The following DNAH6 variants were observed in gnomAD, a reference collection of about 807,000 sequenced individuals.
DNAH6 encodes the protein dynein axonemal heavy chain 6.
In DNAH6, 340 loss-of-function variants were observed where a neutral mutation model predicts 491.4. The observed-to-expected ratio is 0.69, with a 90% CI of 0.63 to 0.76. The LOEUF is 0.76. Among genes scored for constraint, DNAH6 ranks in the 30% least tolerant of loss-of-function variants. The pLI, the probability that DNAH6 is intolerant of heterozygous loss-of-function variation, is 0.00. For synonymous variants in DNAH6, 1,603 were observed against 1,686.1 expected (o/e 0.95, Z 1.21); for missense variants, 4,443 against 4,972.2 (o/e 0.89, Z 3.20).
Position 84,598,154 on chromosome 2 carries a change from T to TCTTTCTTTCTTTCTTG in DNAH6, c.2868+2380_2868+2381insGCTTTCTTTCTTTCTT, listed in dbSNP as rs1553438064. ...TTCTTTCTTTCTTTCTTTCTTTCTT[T>TCTTTCTTTCTTTCTTG]CTTTCTTTCTTTCTTTCTTTCTTTC... On this transcript the variant is annotated intron_variant, in intron 18 of 76. Transcript: ENST00000389394. 4.8e-4 allele frequency among the ~76,000 whole-genome samples: 31 copies of TCTTTCTTTCTTTCTTG among 64,860 alleles called. No individual in the cohort carries two copies. The East Asian group carries it at 0.01, about 22-fold the overall frequency. 42.6% of individuals were successfully genotyped at this position (64,860 alleles called of 152,430 possible). A position where few individuals can be genotyped will look rare whatever the true frequency, so the allele number is the denominator to read the frequency against.
chr2:84,715,428 TG>T (rs1697429934), intron 57 of DNAH6, 131 bp from the exon 58 acceptor site: 2 of 712,292 alleles, frequency 2.8e-6, no homozygotes. Flanking sequence ...AAAGTATGTG[TG>T]GGGGTAGGTG....
intron 18 of DNAH6, among the ~76,000 whole-genome samples, chr2:84,599,470 G>T (rs981898675): frequency 6.6e-6 from 1 of 151,706 alleles, no homozygotes; most frequent in African/African-American, 2.4e-5. Flanking sequence ...TGTTTTCTAT[G>T]TTTAGGTATA....
At chr2:84,478,617 C>A in the DNAH6 span, among the ~76,000 whole-genome samples, 1 of 152,032 alleles carries the variant, frequency 6.6e-6, no homozygotes, top group South Asian at 2.1e-4. Flanking sequence ...CAGATTTGGC[C>A]CCCTGAAAAG....
chr2:84,595,768 G>T lies in DNAH6; in HGVS notation c.2847G>T (p.Lys949Asn). Residue 949 changes from lysine (K) to asparagine (N), a missense_variant, in exon 18 of 77, where the codon AAG becomes AAT. Physicochemically the swap from Lys to Asn is moderately conservative, Grantham distance 94 (BLOSUM62 0). Coordinates refer to ENST00000389394, the MANE Select transcript of DNAH6 (RefSeq NM_001370.2). ...GTGTAGTGCCCCAGCTCAAATACAAGGTGGAAAAAATGAAAGAAAAGGTAA... is the reference window on the plus strand; with the variant it reads ...GTGTAGTGCCCCAGCTCAAATACAATGTGGAAAAAATGAAAGAAAAGGTAA... ...PNSVVPQLKY[K>N]VEKMKEKLPV... 2 of 1,543,724 alleles carry T rather than the reference G, an allele frequency of 1.3e-6. No homozygotes were observed. The highest frequency in any genetic ancestry group is 1.7e-6 in the Non-Finnish European group (2 of 1,144,818).
At chr2:84,546,415 C>A (rs1338847473) in intron 5 of DNAH6, among the ~76,000 whole-genome samples, 1 of 152,058 alleles carries the variant, frequency 6.6e-6, no homozygotes, top group Non-Finnish European at 1.5e-5. Flanking sequence ...AAAGTCTATT[C>A]ATCTTTAATA....
intron 14 of DNAH6, among the ~76,000 whole-genome samples, chr2:84,581,769 T>G (rs1373166911): frequency 6.6e-6 from 1 of 152,130 alleles, no homozygotes; most frequent in Non-Finnish European, 1.5e-5. Flanking sequence ...TAGGAGAGAA[T>G]AAATTAATTA....
chr2:84,714,807 C>T (rs1364994028), intron 57 of DNAH6, among the ~76,000 whole-genome samples: 1 of 151,172 alleles, frequency 6.6e-6, no homozygotes. Context: ...AACCTCACGT[C>T]AATCATCTCT....
At chr2:84,709,314 T>C in intron 54 of DNAH6, 29 bp from the exon 55 acceptor site, 1 of 1,549,790 alleles carries the variant, frequency 6.5e-7, no homozygotes, top group Admixed American at 2.0e-5. Context: ...TTCCTGACTC[T>C]ACTCAAGTAA....
At chr2:84,531,666 A>AAAAAT (rs1341696508) in intron 4 of DNAH6, among the ~76,000 whole-genome samples, 2 of 152,140 alleles carry the variant, frequency 1.3e-5, no homozygotes, top group Non-Finnish European at 2.9e-5. Flanking sequence ...ATCATCAGGG[A>AAAAAT]AAAATACATG....
At chr2:84,624,755 A>G (rs1380168302) in intron 28 of DNAH6, 135 bp downstream of exon 28, 1 of 1,255,236 alleles carries the variant, frequency 8.0e-7, no homozygotes, top group Non-Finnish European at 1.1e-6. Context: ...TATTTGCATT[A>G]TTTAATTATG....
rs1672457199 is a variant in DNAH6 at position 84,740,817 on chromosome 2, A to G, written c.10343-4263A>G. 2.0e-5 allele frequency among the ~76,000 whole-genome samples: 3 copies of G among 151,754 alleles called. No homozygotes were observed. The South Asian group carries it at 6.2e-4, about 32-fold the overall frequency. On this transcript the variant is annotated intron_variant, in intron 62 of 76. Coordinates refer to ENST00000389394, the MANE Select transcript of DNAH6 (RefSeq NM_001370.2). ...CCTCAGCTTCAGCAACTCTCCTCCC[A>G]CTCCAGTCTTGTGATGGGAGAGAGC...
At chr2:84,740,868 C>T (rs942503184) in intron 62 of DNAH6, among the ~76,000 whole-genome samples, 6 of 152,184 alleles carry the variant, frequency 3.9e-5, no homozygotes, top group Non-Finnish European at 5.9e-5. Context: ...ACTACTGGGG[C>T]ACTCTCCACA....
At chr2:84,780,021 C>T (rs114743014) in intron 64 of DNAH6, among the ~76,000 whole-genome samples, 4,101 of 152,208 alleles carry the variant, frequency 0.027, 79 homozygotes, top group South Asian at 0.06. Context: ...CCTGATAGGA[C>T]GACCTTTGTA....
intron 54 of DNAH6, 54 bp from the exon 55 acceptor site, chr2:84,709,289 C>T (rs921080257): frequency 3.5e-5 from 54 of 1,534,244 alleles, no homozygotes; most frequent in East Asian, 2.4e-5. Context: ...TGCATGTGCC[C>T]TCGTTTACTG....
chr2:84,767,357 C>T (rs1197660053), intron 64 of DNAH6, among the ~76,000 whole-genome samples: 1 of 151,722 alleles, frequency 6.6e-6, no homozygotes, highest in Non-Finnish European at 1.5e-5. Context: ...CATAGTGAGA[C>T]CCCATCATTA....
the DNAH6 span, among the ~76,000 whole-genome samples, chr2:84,488,182 T>C: frequency 6.6e-6 from 1 of 152,168 alleles, no homozygotes; most frequent in Non-Finnish European, 1.5e-5. Context: ...TAGGTAGGTA[T>C]GTTAGTTTTC....
chr2:84,774,864 TATTGATTTTTGTGC>T (rs1210625318), intron 64 of DNAH6, among the ~76,000 whole-genome samples: 1 of 152,202 alleles, frequency 6.6e-6, no homozygotes, highest in Non-Finnish European at 1.5e-5. Context: ...ATAGAAATGC[TATTGATTTTTGTGC>T]ATTGATTTTA....
intron 11 of DNAH6, among the ~76,000 whole-genome samples, chr2:84,562,236 A>G (rs1462608283): frequency 1.3e-5 from 2 of 152,184 alleles, no homozygotes; most frequent in Non-Finnish European, 2.9e-5. Flanking sequence ...TTTAAAAAAT[A>G]TATCGTCACT....
the DNAH6 span, among the ~76,000 whole-genome samples, chr2:84,479,643 C>T: frequency 7.2e-5 from 11 of 152,168 alleles, no homozygotes; most frequent in African/African-American, 1.2e-4. Context: ...CACTCCGTAC[C>T]CACTCTGTAG....
Sources: gnomAD v4.1 joint callset for allele counts (sites outside exome capture counted in the v4.1 genomes callset) on GRCh38, gnomAD v4.1.1 for gene constraint, MANE v1.5 for transcripts, NCBI Gene and HGNC (gene_info 2026-07-23, HGNC 2026-07-21) for gene names.